The following YY1 variants were observed in gnomAD, a reference collection of about 807,000 sequenced individuals.
The protein encoded by YY1 is transcriptional repressor protein YY1.
Under a neutral mutation model 35.6 loss-of-function variants are expected in YY1, and 2 were observed. That is an observed-to-expected ratio of 0.06 (90% CI 0.02 to 0.18). YY1 has a LOEUF of 0.18. Ranked by LOEUF, YY1 falls within the 10% of genes least tolerant of loss-of-function variation. The pLI is 1.00. For missense variants in YY1, 322 were observed against 573.4 expected (o/e 0.56, Z 4.48); for synonymous variants, 268 against 238.9 (o/e 1.12, Z -1.12).
At chr14:100,275,079 G>C (rs1363207026) in intron 3 of YY1, among the ~76,000 whole-genome samples, 1 of 152,138 alleles carries the variant, frequency 6.6e-6, no homozygotes, top group African/African-American at 2.4e-5. Context: ...ACCTTTATGG[G>C]AATGTAGGCT....
At chr14:100,246,260 A>C (rs1052114840) in intron 1 of YY1, among the ~76,000 whole-genome samples, 4 of 152,210 alleles carry the variant, frequency 2.6e-5, no homozygotes, top group African/African-American at 9.6e-5. Flanking sequence ...CCCATGGCTA[A>C]TGAGGATAGC....
chr14:100,239,179 C>G lies in YY1; in HGVS notation c.-66C>G. On this transcript the variant is annotated 5_prime_UTR_variant, in exon 1 of 5. Transcript: ENST00000262238. Reference sequence around the variant, plus strand: ...CTTCCTTCCCCACGGCCGGCCGCCTCCTCGCCCGCCCGCCCGCAGCCGAGG... The same window carrying G: ...CTTCCTTCCCCACGGCCGGCCGCCTGCTCGCCCGCCCGCCCGCAGCCGAGG... The G allele has an allele frequency of 7.5e-7, 1 of 1,338,826 alleles. No individual in the cohort carries two copies. Among genetic ancestry groups the G allele is most frequent in the Non-Finnish European group, 9.5e-7 (1 of 1,053,004 alleles). 82.9% of individuals were successfully genotyped at this position (1,338,826 alleles called of 1,614,324 possible).
chr14:100,264,651 G>A (rs1313376386), intron 2 of YY1, among the ~76,000 whole-genome samples: 1 of 152,164 alleles, frequency 6.6e-6, no homozygotes, highest in Non-Finnish European at 1.5e-5. Flanking sequence ...TGGGGAGAAG[G>A]GGCTGTGTGA....
At chr14:100,268,207 G>C (rs529916879) in intron 2 of YY1, among the ~76,000 whole-genome samples, 16 of 152,324 alleles carry the variant, frequency 1.1e-4, no homozygotes, top group African/African-American at 3.8e-4. Context: ...GTGATGGGGT[G>C]CTGGACTGGA....
chr14:100,265,195 T>C (rs1381278507), intron 2 of YY1: 3 of 152,044 alleles, frequency 2.0e-5, no homozygotes, highest in African/African-American at 7.3e-5. Flanking sequence ...CTGGCCAACA[T>C]AGTGAAACCC....
In YY1 at chr14:100,266,353, A is replaced by C. The variant is rs922039494; in HGVS notation, c.842+3887A>C. Among the ~76,000 whole-genome samples the C allele has an allele frequency of 8.5e-5, 13 of 152,134 alleles. No individual in the cohort carries two copies. In the South Asian group the frequency reaches 1.2e-3, roughly 15 times the overall value. On this transcript the variant is annotated intron_variant, in intron 2 of 4. Coordinates refer to ENST00000262238, the MANE Select transcript of YY1 (RefSeq NM_003403.5). ...AGAGAGAGGAATAAAACCTCTTTGG[A>C]TTATACATTGTGAAGGAGTTGCAGT...
In YY1 at chr14:100,276,540, C is replaced by T. The variant is rs545909703; in HGVS notation, c.954C>T (p.His318=). The T allele has an allele frequency of 3.3e-5, 54 of 1,614,246 alleles. No individual in the cohort carries two copies. The East Asian group carries it at 5.1e-4, about 15-fold the overall frequency. ...ACTCGGCCATGAGAAAACATCTGCA[C>T]ACCCACGGTCCCAGAGTCCACGTCT... ...RDNSAMRKHL[H]THGPRVHVCA... The change falls in exon 4 of 5, where the codon CAC becomes CAT. Residue 318 remains histidine, a synonymous_variant. Transcript: ENST00000262238. This position sits in a 1 kb window ranked among gnomAD's most constrained non-coding sequence, Gnocchi z 4.1.
rs1891097459 is a variant in YY1, at chr14:100,262,431, C to T, written c.807C>T (p.Asp269=). 6.2e-7 allele frequency: 1 copy of T among 1,614,078 alleles called. No individual in the cohort carries two copies. The highest frequency in any genetic ancestry group is 8.5e-7 in the Non-Finnish European group (1 of 1,180,010). Residue 269 remains aspartate (D), a synonymous_variant, in exon 2 of 5, where the codon GAC becomes GAT. Coordinates refer to ENST00000262238, the MANE Select transcript of YY1 (RefSeq NM_003403.5). ...KLPPGGIPGI[D]LSDPKQLAEF... is the part of the protein sequence containing the mutation. ...CTCCTGGAGGAATACCTGGCATTGACCTCTCAGATCCCAAACAACTGGCAG... is the reference window on the plus strand; with the variant it reads ...CTCCTGGAGGAATACCTGGCATTGATCTCTCAGATCCCAAACAACTGGCAG...
chr14:100,260,003 C>CT (rs1007949372), intron 1 of YY1, among the ~76,000 whole-genome samples: 1 of 151,648 alleles, frequency 6.6e-6, no homozygotes, highest in African/African-American at 2.4e-5. Context: ...AATTAAGAAA[C>CT]TACTACAGTC....
chr14:100,251,383 A>G (rs544011447), intron 1 of YY1, among the ~76,000 whole-genome samples: 1 of 152,238 alleles, frequency 6.6e-6, no homozygotes, highest in East Asian at 1.9e-4. Flanking sequence ...TAAAGCTGCC[A>G]GAAGGAACCC....
intron 2 of YY1, among the ~76,000 whole-genome samples, chr14:100,274,307 GA>G (rs1357657358): frequency 2.0e-5 from 3 of 152,134 alleles, no homozygotes; most frequent in Non-Finnish European, 2.9e-5. Flanking sequence ...GCTGCCTTTG[GA>G]AATCTTCCCT....
At chr14:100,248,307 A>G (rs1398187625) in intron 1 of YY1, among the ~76,000 whole-genome samples, 3 of 151,528 alleles carry the variant, frequency 2.0e-5, no homozygotes, top group Non-Finnish European at 2.9e-5. Context: ...ATTTTTTAGT[A>G]GAGATGGGGT....
chr14:100,249,748 G>GTTT (rs57119106), intron 1 of YY1, among the ~76,000 whole-genome samples: 42,896 of 140,434 alleles, frequency 0.31, 6,453 homozygotes, highest in South Asian at 0.44. Context: ...GCTACTTACC[G>GTTT]TTTTTTTTTT....
Position 100,240,258 on chromosome 14 carries a change from C to G in YY1, c.679+335C>G, listed in dbSNP as rs1018788056. ...ACGCCCTCGCTCCCCGCGCCCGCAT[C>G]AACGGGCGCGCCCGCCGGCCCGTTG... On this transcript the variant is annotated intron_variant, in intron 1 of 4. Coordinates refer to ENST00000262238, the MANE Select transcript of YY1 (RefSeq NM_003403.5). 2.1e-3 allele frequency among the ~76,000 whole-genome samples: 220 copies of G among 105,660 alleles called. 1 individual carries two copies. The highest frequency in any genetic ancestry group is 5.9e-3 in the African/African-American group (212 of 35,804). 69.3% of individuals were successfully genotyped at this position (105,660 alleles called of 152,430 possible). A position where few individuals can be genotyped will look rare whatever the true frequency, so the allele number is the denominator to read the frequency against.
chr14:100,262,232 C>A, intron 1 of YY1, 72 bp from the exon 2 acceptor site: 2 of 1,534,388 alleles, frequency 1.3e-6, no homozygotes, highest in East Asian at 4.6e-5. Context: ...TAAGAAGTTA[C>A]TGGTGAAAGC....
chr14:100,242,135 G>C (rs1005358601), intron 1 of YY1, among the ~76,000 whole-genome samples: 2 of 152,158 alleles, frequency 1.3e-5, no homozygotes, highest in East Asian at 3.9e-4. Context: ...CTCATAGTGT[G>C]TGGAATTAGA....
intron 1 of YY1, among the ~76,000 whole-genome samples, chr14:100,254,478 G>T (rs1027650596): frequency 3.3e-5 from 5 of 151,528 alleles, no homozygotes; most frequent in African/African-American, 1.2e-4. Flanking sequence ...TTTTCTTTTC[G>T]ACGGAGTCTT....
At chr14:100,264,149 G>A (rs1891121685) in intron 2 of YY1, 1 of 152,114 alleles carries the variant, frequency 6.6e-6, no homozygotes, top group African/African-American at 2.4e-5. Flanking sequence ...ACAGGTATGA[G>A]CCACTGCACA....
chr14:100,256,331 T>C (rs1177003944), intron 1 of YY1, among the ~76,000 whole-genome samples: 1 of 152,178 alleles, frequency 6.6e-6, no homozygotes, highest in Non-Finnish European at 1.5e-5. Context: ...TTTCACACTC[T>C]TGTCCTCCAT....
Sources: gnomAD v4.1 joint callset for allele counts (sites outside exome capture counted in the v4.1 genomes callset) on GRCh38, gnomAD v4.1.1 for gene constraint, Gnocchi (gnomAD v3.1) non-coding constraint, MANE v1.5 for transcripts, NCBI Gene and HGNC (gene_info 2026-07-23, HGNC 2026-07-21) for gene names.